Variants in ZNF44 observed in about 807,000 individuals in gnomAD.
ZNF44 encodes the protein gonadotropin inducible transcription repressor-2.
A neutral mutation model predicts 11.7 loss-of-function variants in ZNF44; 9 were observed. The ratio of observed to expected loss-of-function variants is 0.77; its 90% confidence interval spans 0.46 to 1.35. The LOEUF (loss-of-function observed/expected upper bound fraction) is 1.35. Among genes scored for constraint, ZNF44 ranks in the 40% most tolerant of loss-of-function variants. The pLI, the probability that ZNF44 is intolerant of heterozygous loss-of-function variation, is 0.00. For missense variants in ZNF44, 696 were observed against 743.1 expected (o/e 0.94, Z 0.74); for synonymous variants, 224 against 242.7 (o/e 0.92, Z 0.72).
In ZNF44 at chr19:12,275,047, C is replaced by A; in HGVS notation, c.131-14G>T. On this transcript the variant is annotated splice_polypyrimidine_tract_variant and intron_variant, in intron 2 of 3. Coordinates refer to ENST00000355684, the MANE Select transcript of ZNF44 (RefSeq NM_016264.4). ...CCCATTTCATTCCTAAAAGAGAGAT[C>A]CAGAAAATTCACTATAAATTATTAC... The A allele has an allele frequency of 1.9e-6, 3 of 1,554,060 alleles. No individual in the cohort carries two copies. Among genetic ancestry groups the A allele is most frequent in the South Asian group, 1.2e-5 (1 of 81,888 alleles).
At position 12,273,704 on chromosome 19, in the gene ZNF44, A is replaced by C. The variant is rs757345087; in HGVS notation, c.551T>G (p.Leu184Arg). Residue 184 changes from leucine (L) to arginine (R), a missense_variant, in exon 4 of 4, where the codon CTT becomes CGT. Physicochemically the swap from Leu to Arg is moderately radical, Grantham distance 102. Coordinates refer to ENST00000355684, the MANE Select transcript of ZNF44 (RefSeq NM_016264.4). ...ACCTTTTACTACCATATGTCTTCGA[A>C]GGTTTCCAGGAGAACTGAAGGTTTT... ...CGKTFSSPGN[L>R]RRHMVVKGGD... 6.8e-5 allele frequency: 110 copies of C among 1,614,032 alleles called. No individual in the cohort carries two copies. In the South Asian group the frequency reaches 1.2e-3, roughly 18 times the overall value.
upstream of ZNF44, chr19:12,237,692 C>T (rs910268662): frequency 3.3e-5 from 5 of 152,510 alleles, no homozygotes; most frequent in Non-Finnish European, 5.9e-5. Flanking sequence ...AGCCCCACCC[C>T]CTAGGCCCGG....
chr19:12,267,554 C>T (rs1389672431), downstream of ZNF44, among the ~76,000 whole-genome samples: 1 of 152,124 alleles, frequency 6.6e-6, no homozygotes, highest in East Asian at 1.9e-4. Context: ...TATTCCCAAG[C>T]TGGGGAGTCA....
At chr19:12,278,756 A>G (rs1967339753) in intron 1 of ZNF44, among the ~76,000 whole-genome samples, 1 of 152,044 alleles carries the variant, frequency 6.6e-6, no homozygotes, top group Non-Finnish European at 1.5e-5. Context: ...ATATTAGACC[A>G]TCTAAGTCCC....
chr19:12,293,869 T>A (rs987850695), intron 1 of ZNF44, among the ~76,000 whole-genome samples: 1 of 151,704 alleles, frequency 6.6e-6, no homozygotes, highest in Non-Finnish European at 1.5e-5. Flanking sequence ...ACGAGTCTGG[T>A]TTGTGCCTAG....
intron 1 of ZNF44, chr19:12,284,750 T>G: frequency 1.3e-6 from 1 of 796,140 alleles, no homozygotes. Context: ...AGGCAGCCAC[T>G]GCCATCCGCG....
intron 1 of ZNF44, among the ~76,000 whole-genome samples, chr19:12,292,827 A>G (rs371289202): frequency 2.0e-5 from 3 of 151,114 alleles, no homozygotes; most frequent in East Asian, 3.9e-4. Flanking sequence ...AGGCTTGGGG[A>G]AAAAAATGTC....
downstream of ZNF44, among the ~76,000 whole-genome samples, chr19:12,267,179 A>G (rs1917768615): frequency 1.3e-5 from 2 of 151,362 alleles, no homozygotes; most frequent in African/African-American, 4.9e-5. Context: ...TGAGTAGCTG[A>G]GATTACAGGC....
At chr19:12,260,542 C>G (rs1440568166) in intron 5 of ZNF44, 37 of 876,958 alleles carry the variant, frequency 4.2e-5, no homozygotes, top group Non-Finnish European at 6.8e-5. Context: ...TCCTGAGCCC[C>G]CTGCCCCCAA....
At chr19:12,266,210 C>T in intron 5 of ZNF44, 1 of 978,688 alleles carries the variant, frequency 1.0e-6, no homozygotes, top group Non-Finnish European at 1.2e-6. Flanking sequence ...GGCCCGGGTC[C>T]CGCCACAGCC....
At position 12,273,454 on chromosome 19, in the gene ZNF44, T is replaced by G. The variant is rs61737486; in HGVS notation, c.801A>C (p.Ser267=). The G allele has an allele frequency of 1.2e-6, 2 of 1,614,140 alleles. No homozygotes were observed. The highest frequency in any genetic ancestry group is 2.2e-5 in the South Asian group (2 of 91,080). Residue 267 remains serine (S), a synonymous_variant, in exon 4 of 4, where the codon TCA becomes TCC. Coordinates refer to ENST00000355684, the MANE Select transcript of ZNF44 (RefSeq NM_016264.4). ...TGTGAGTTCTTTCATGTCTTAGATATGAACTGTAATCAGGGAAGGCTTTAG... is the reference window on the plus strand; with the variant it reads ...TGTGAGTTCTTTCATGTCTTAGATAGGAACTGTAATCAGGGAAGGCTTTAG... ...QCSKAFPDYS[S]YLRHERTHTG...
intron 5 of ZNF44, among the ~76,000 whole-genome samples, chr19:12,251,828 G>A (rs1386876589): frequency 2.0e-5 from 3 of 152,124 alleles, no homozygotes; most frequent in Non-Finnish European, 4.4e-5. Context: ...GAGGCAGGCA[G>A]ATCACCTGAG....
At chr19:12,288,628 G>C (rs965525515) in intron 1 of ZNF44, among the ~76,000 whole-genome samples, 1 of 151,234 alleles carries the variant, frequency 6.6e-6, no homozygotes, top group Admixed American at 6.6e-5. Context: ...AGTAATCCCA[G>C]CTACTCAGGA....
At chr19:12,243,392 A>G (rs560547798), downstream of ZNF44, among the ~76,000 whole-genome samples, 2 of 152,150 alleles carry the variant, frequency 1.3e-5, no homozygotes, top group South Asian at 2.1e-4. Flanking sequence ...TCTGCCTCGG[A>G]GTTTAAGTTT....
intron 1 of ZNF44, among the ~76,000 whole-genome samples, chr19:12,286,018 CA>C (rs1452294941): frequency 2.6e-5 from 4 of 151,046 alleles, no homozygotes; most frequent in African/African-American, 9.7e-5. Context: ...GACTCCATCT[CA>C]AAAAAAACTC....
In ZNF44 at chr19:12,286,669, G is replaced by C. The variant is rs978742550; in HGVS notation, c.3+8023C>G. On this transcript the variant is annotated intron_variant, in intron 1 of 3. Coordinates refer to ENST00000355684, the MANE Select transcript of ZNF44 (RefSeq NM_016264.4). ...AGAAAGAAAGAAAACAGATCATTGG[G>C]GCTGGTTGCAGTGGCTCACATCTGT... Among the ~76,000 whole-genome samples, 27 of 151,280 alleles carry C rather than the reference G, an allele frequency of 1.8e-4. 1 individual carries two copies. The highest frequency in any genetic ancestry group is 7.4e-5 in the Non-Finnish European group (5 of 67,866).
exon 8 of ZNF44, chr19:12,248,298 T>G (rs1916839009): frequency 4.6e-6 from 6 of 1,295,604 alleles, no homozygotes; most frequent in Non-Finnish European, 6.1e-6. Context: ...ATCTCCAGTG[T>G]GAGTCCTTCC....
chr19:12,262,705 T>C (rs57674837), intron 5 of ZNF44, among the ~76,000 whole-genome samples: 31,101 of 152,100 alleles, frequency 0.2, 4,117 homozygotes, highest in African/African-American at 0.38. Flanking sequence ...TAAGATTCTT[T>C]TGCACAAAAG....
chr19:12,286,856 C>A (rs1247213926), intron 1 of ZNF44, among the ~76,000 whole-genome samples: 2 of 151,012 alleles, frequency 1.3e-5, no homozygotes, highest in African/African-American at 2.4e-5. Flanking sequence ...GAGGCTGAGG[C>A]AGAGGTTGCA....
Sources: gnomAD v4.1 joint callset for allele counts (sites outside exome capture counted in the v4.1 genomes callset) on GRCh38, gnomAD v4.1.1 for gene constraint, MANE v1.5 for transcripts, NCBI Gene and HGNC (gene_info 2026-07-23, HGNC 2026-07-21) for gene names.